PPP1R9A: variants seen among roughly 807,000 people sequenced by gnomAD.
PPP1R9A encodes the protein neurabin-1.
A neutral mutation model predicts 141.9 loss-of-function variants in PPP1R9A; 59 were observed. The observed-to-expected ratio is 0.42, with a 90% CI of 0.34 to 0.52. The LOEUF (loss-of-function observed/expected upper bound fraction) is 0.52, where lower values mean the gene tolerates loss of function less well. Among genes scored for constraint, PPP1R9A ranks in the 20% least tolerant of loss-of-function variants. The probability of loss-of-function intolerance (pLI) is 0.10; values close to 1 mark genes in which losing one functional copy is unlikely to be tolerated. For synonymous variants in PPP1R9A, 500 were observed against 569.7 expected (o/e 0.88, Z 1.74); for missense variants, 1,444 against 1,611.9 (o/e 0.90, Z 1.78).
chr7:94,952,617 G>C (rs1434016004), intron 2 of PPP1R9A, among the ~76,000 whole-genome samples: 1 of 152,114 alleles, frequency 6.6e-6, no homozygotes, highest in Non-Finnish European at 1.5e-5. Context: ...TCCAGCATCT[G>C]TTGTTTCCTG....
intron 7 of PPP1R9A, among the ~76,000 whole-genome samples, chr7:95,207,794 A>G (rs934315667): frequency 6.6e-6 from 1 of 152,222 alleles, no homozygotes; most frequent in African/African-American, 2.4e-5. Context: ...ATACATAATT[A>G]ATGTAAAATA....
chr7:95,278,671 T>C (rs1803628934), intron 16 of PPP1R9A, among the ~76,000 whole-genome samples: 1 of 152,216 alleles, frequency 6.6e-6, no homozygotes, highest in Non-Finnish European at 1.5e-5. Context: ...AACAATATAA[T>C]TTATTAAAAA....
intron 2 of PPP1R9A, among the ~76,000 whole-genome samples, chr7:94,916,247 C>A (rs1421475436): frequency 6.6e-6 from 1 of 152,162 alleles, no homozygotes; most frequent in East Asian, 1.9e-4. Flanking sequence ...TTGTTTACCT[C>A]TATAATAGAA....
chr7:94,965,102 G>A (rs1798059585), intron 2 of PPP1R9A, among the ~76,000 whole-genome samples: 1 of 151,710 alleles, frequency 6.6e-6, no homozygotes, highest in African/African-American at 2.4e-5. Flanking sequence ...TTTGTTGGCT[G>A]CAAAAATATC....
At chr7:94,944,138 C>T (rs1795631216) in intron 2 of PPP1R9A, among the ~76,000 whole-genome samples, 1 of 152,086 alleles carries the variant, frequency 6.6e-6, no homozygotes, top group South Asian at 2.1e-4. Flanking sequence ...GTTATACTTT[C>T]ATCTTTCCTT....
At chr7:95,215,834 G>A (rs981157338) in intron 7 of PPP1R9A, among the ~76,000 whole-genome samples, 2 of 152,016 alleles carry the variant, frequency 1.3e-5, no homozygotes, top group Admixed American at 6.6e-5. Flanking sequence ...TTTTTTTCTT[G>A]TAAATTTGTT....
At chr7:94,920,263 A>C (rs1360428893) in intron 2 of PPP1R9A, among the ~76,000 whole-genome samples, 2 of 152,198 alleles carry the variant, frequency 1.3e-5, no homozygotes, top group Non-Finnish European at 1.5e-5. Context: ...AGAATAAAGA[A>C]AGAAATGTTT....
At chr7:94,916,806 T>G (rs774012426) in intron 2 of PPP1R9A, among the ~76,000 whole-genome samples, 2 of 152,014 alleles carry the variant, frequency 1.3e-5, no homozygotes, top group Non-Finnish European at 2.9e-5. Context: ...AACTTTTTTT[T>G]TGTTTGTTTT....
chr7:95,053,062 C>T (rs979217984), intron 2 of PPP1R9A, among the ~76,000 whole-genome samples: 1 of 152,142 alleles, frequency 6.6e-6, no homozygotes, highest in Non-Finnish European at 1.5e-5. Context: ...AGCATGCTGC[C>T]TTCATGGAGC....
intron 2 of PPP1R9A, among the ~76,000 whole-genome samples, chr7:94,956,558 A>C (rs1051074681): frequency 2.6e-5 from 4 of 152,086 alleles, no homozygotes; most frequent in African/African-American, 9.7e-5. Flanking sequence ...CTGTAATATC[A>C]TTGTACTGTA....
chr7:95,231,069 C>T (rs957065765), intron 8 of PPP1R9A, among the ~76,000 whole-genome samples: 5 of 151,952 alleles, frequency 3.3e-5, no homozygotes, highest in African/African-American at 7.2e-5. Context: ...AAAAAGATAC[C>T]GTATGCAAAT....
intron 5 of PPP1R9A, among the ~76,000 whole-genome samples, chr7:95,170,398 C>A (rs1420819759): frequency 6.6e-6 from 1 of 151,070 alleles, no homozygotes; most frequent in African/African-American, 2.4e-5. Context: ...CAAGAAATCC[C>A]AAATAGAAGG....
intron 2 of PPP1R9A, among the ~76,000 whole-genome samples, chr7:94,927,770 G>A (rs1793662965): frequency 6.6e-6 from 1 of 152,110 alleles, no homozygotes; most frequent in Admixed American, 6.6e-5. Context: ...TATATACATA[G>A]GGTGACCATA....
At chr7:95,090,233 G>A (rs960622015) in intron 2 of PPP1R9A, among the ~76,000 whole-genome samples, 1 of 151,334 alleles carries the variant, frequency 6.6e-6, no homozygotes, top group Non-Finnish European at 1.5e-5. Context: ...GCAAATACAA[G>A]CTTATTAAAA....
chr7:95,056,685 G>A (rs1474747710), intron 2 of PPP1R9A, among the ~76,000 whole-genome samples: 1 of 152,088 alleles, frequency 6.6e-6, no homozygotes, highest in Non-Finnish European at 1.5e-5. Flanking sequence ...TTTGCCTGAA[G>A]TAATACTAAT....
chr7:95,221,310 C>T (rs1475039744), intron 7 of PPP1R9A, among the ~76,000 whole-genome samples: 2 of 152,054 alleles, frequency 1.3e-5, no homozygotes, highest in Non-Finnish European at 2.9e-5. Flanking sequence ...AAGATTAAAG[C>T]TTAGATATAG....
In PPP1R9A at chr7:95,291,014, AG is replaced by A. The variant is rs1343347963; in HGVS notation, c.*714del. The A allele has an allele frequency of 1.3e-5, 2 of 152,230 alleles. No homozygotes were observed. The highest frequency in any genetic ancestry group is 2.9e-5 in the Non-Finnish European group (2 of 68,072). 9.4% of individuals were successfully genotyped at this position (152,230 alleles called of 1,614,324 possible). On this transcript the variant is annotated 3_prime_UTR_variant, in exon 20 of 20. Transcript: ENST00000433360. The stretch of plus-strand genomic sequence containing the variant: ...ATGTGGGTATTACCTTGGGGTTCTG[AG>A]GGTAATATTTATCCTCTAGATACGG...
intron 2 of PPP1R9A, among the ~76,000 whole-genome samples, chr7:95,033,171 A>ATTTT (rs10709825): frequency 1.2e-4 from 12 of 103,862 alleles, no homozygotes; most frequent in African/African-American, 1.2e-4. Flanking sequence ...TGCCTGGCTA[A>ATTTT]TTTTTTTTTT....
rs185570442 is a variant in PPP1R9A at position 95,111,818 on chromosome 7, G to A, written c.1528+427G>A. The stretch of plus-strand genomic sequence containing the variant: ...AATCCAAGGAAATTTAAATAGTAGG[G>A]CTACATCCTCTCCCCCTCTGAGGGG... On this transcript the variant is annotated intron_variant, in intron 3 of 19. Coordinates refer to ENST00000433360, the MANE Select transcript of PPP1R9A (RefSeq NM_001166160.2). Among the ~76,000 whole-genome samples the A allele has an allele frequency of 8.9e-3, 1,347 of 152,168 alleles. 18 individuals carry two copies. The highest frequency in any genetic ancestry group is 0.031 in the African/African-American group (1,279 of 41,522).
Sources: gnomAD v4.1 joint callset for allele counts (sites outside exome capture counted in the v4.1 genomes callset) on GRCh38, gnomAD v4.1.1 for gene constraint, MANE v1.5 for transcripts, NCBI Gene and HGNC (gene_info 2026-07-23, HGNC 2026-07-21) for gene names.